Variants in NCCRP1 observed in about 807,000 individuals in gnomAD.
NCCRP1 encodes F-box only protein 50.
Under a neutral mutation model 34.4 loss-of-function variants are expected in NCCRP1, and 32 were observed. That is an observed-to-expected ratio of 0.93 (90% CI 0.70 to 1.25). The LOEUF (loss-of-function observed/expected upper bound fraction) is 1.25, where lower values mean the gene tolerates loss of function less well. NCCRP1 is among the 50% of genes most tolerant of loss of function. NCCRP1 has a pLI of 0.00. For missense variants in NCCRP1, 372 were observed against 391.8 expected (o/e 0.95, Z 0.43); for synonymous variants, 172 against 180.1 (o/e 0.95, Z 0.36).
chr19:39,197,202 C>T lies in NCCRP1; in HGVS notation c.220C>T (p.Leu74=), dbSNP rs1471906401. 35 of 1,434,618 alleles carry T rather than the reference C, an allele frequency of 2.4e-5. No individual in the cohort carries two copies. Among genetic ancestry groups the T allele is most frequent in the Non-Finnish European group, 2.4e-5 (27 of 1,107,302 alleles). 88.9% of individuals were successfully genotyped at this position (1,434,618 alleles called of 1,614,324 possible). A position where few individuals can be genotyped will look rare whatever the true frequency, so the allele number is the denominator to read the frequency against. Residue 74 remains leucine (L), a synonymous_variant, in exon 1 of 6, where the codon CTG becomes TTG. Coordinates refer to ENST00000339852, the MANE Select transcript of NCCRP1 (RefSeq NM_001001414.2). ...CGAGGCTCACGCCCGGCAGCTGCTGCTGGAGGAGTGGGGGCCGCTGAGCGG... is the reference window on the plus strand; with the variant it reads ...CGAGGCTCACGCCCGGCAGCTGCTGTTGGAGGAGTGGGGGCCGCTGAGCGG... ...PSEAHARQLL[L]EEWGPLSGGL...
rs945283474 is a variant in NCCRP1, at chr19:39,197,132, C to T, written c.150C>T (p.Pro50=). ...PLPSPPSLPS[P]AAPEAPELPE... is the part of the protein sequence containing the mutation. ...CCTCGCCGCCGTCGCTGCCATCGCC[C>T]GCAGCCCCGGAGGCCCCCGAGCTCC... is the stretch of plus-strand genomic sequence containing the variant. The change falls in exon 1 of 6, where the codon CCC becomes CCT. Residue 50 remains proline, a synonymous_variant. Coordinates refer to ENST00000339852, the MANE Select transcript of NCCRP1 (RefSeq NM_001001414.2). 2 of 1,512,728 alleles carry T rather than the reference C, an allele frequency of 1.3e-6. No homozygotes were observed. The highest frequency in any genetic ancestry group is 4.1e-5 in the Admixed American group (2 of 49,060). 93.7% of individuals were successfully genotyped at this position (1,512,728 alleles called of 1,614,324 possible).
chr19:39,200,223 C>T lies in NCCRP1; in HGVS notation c.549-123C>T. Reference sequence around the variant, plus strand: ...GGTCACTGCTATGTTGCCAGCACCACCCAGCTCAGGGCTGTGTACAGCATG... The same window carrying T: ...GGTCACTGCTATGTTGCCAGCACCATCCAGCTCAGGGCTGTGTACAGCATG... On this transcript the variant is annotated intron_variant, in intron 4 of 5. Coordinates refer to ENST00000339852, the MANE Select transcript of NCCRP1 (RefSeq NM_001001414.2). The surrounding 1 kb of genome is among the most constrained non-coding windows in gnomAD (Gnocchi z 5.8). 5 of 1,317,486 alleles carry T rather than the reference C, an allele frequency of 3.8e-6. No homozygotes were observed. The highest frequency in any genetic ancestry group is 3.2e-6 in the Non-Finnish European group (3 of 948,160). 81.6% of individuals were successfully genotyped at this position (1,317,486 alleles called of 1,614,324 possible).
At chr19:39,198,759 A>G (rs943315569) in intron 3 of NCCRP1, among the ~76,000 whole-genome samples, 2 of 151,934 alleles carry the variant, frequency 1.3e-5, no homozygotes, top group Non-Finnish European at 2.9e-5. Flanking sequence ...GCGCCTGGCT[A>G]TTCTTGTTAT....
chr19:39,198,973 G>A (rs2074774917), intron 3 of NCCRP1, among the ~76,000 whole-genome samples, 197 bp from the exon 4 acceptor site: 1 of 152,176 alleles, frequency 6.6e-6, no homozygotes, highest in African/African-American at 2.4e-5. Context: ...CTCAGCCTCA[G>A]GTTCCTTGTC....
Position 39,197,017 on chromosome 19 carries a change from G to A in NCCRP1, c.35G>A (p.Gly12Asp). Residue 12 changes from glycine (G) to aspartate (D), a missense_variant, in exon 1 of 6, where the codon GGC becomes GAC. Transcript: ENST00000339852. ...GTGCGTGAGGGACACGCGCTCGGTGGCGGGATGGAAGCCGATGGGCCCGCG... is the reference window on the plus strand; with the variant it reads ...GTGCGTGAGGGACACGCGCTCGGTGACGGGATGGAAGCCGATGGGCCCGCG... ...EEVREGHALG[G>D]GMEADGPASL... The A allele has an allele frequency of 6.5e-7, 1 of 1,535,552 alleles. No individual in the cohort carries two copies. Among genetic ancestry groups the A allele is most frequent in the Non-Finnish European group, 8.7e-7 (1 of 1,147,852 alleles).
At chr19:39,199,084 C>A in intron 3 of NCCRP1, 86 bp from the exon 4 acceptor site, 1 of 1,294,424 alleles carries the variant, frequency 7.7e-7, no homozygotes, top group Non-Finnish European at 1.1e-6. Context: ...CCCAAGCTAT[C>A]CCTAAGAAAG....
In NCCRP1 at chr19:39,197,105, G is replaced by A; in HGVS notation, c.123G>A (p.Leu41=). The A allele has an allele frequency of 6.6e-7, 1 of 1,522,556 alleles. No individual in the cohort carries two copies. The highest frequency in any genetic ancestry group is 8.8e-7 in the Non-Finnish European group (1 of 1,141,940). 94.3% of individuals were successfully genotyped at this position (1,522,556 alleles called of 1,614,324 possible). Residue 41 remains leucine (L), a synonymous_variant, in exon 1 of 6, where the codon CTG becomes CTA. Coordinates refer to ENST00000339852, the MANE Select transcript of NCCRP1 (RefSeq NM_001001414.2). ...CACCGCCGCCGTCGCCGCCACCACT[G>A]CCCTCGCCGCCGTCGCTGCCATCGC... is the stretch of plus-strand genomic sequence containing the variant. ...SPSPPPSPPP[L]PSPPSLPSPA...
intron 3 of NCCRP1, among the ~76,000 whole-genome samples, chr19:39,198,603 G>A (rs1237501904): frequency 6.6e-6 from 1 of 152,064 alleles, no homozygotes; most frequent in African/African-American, 2.4e-5. Context: ...AGGATTATAG[G>A]TGTGCGCCAT....
chr19:39,200,829 T>C lies in NCCRP1; in HGVS notation c.*73T>C. On this transcript the variant is annotated 3_prime_UTR_variant, in exon 6 of 6. Transcript: ENST00000339852. The surrounding 1 kb of genome is among the most constrained non-coding windows in gnomAD (Gnocchi z 5.8). ...GGAGCCCCAACTCTTAGTCACCTCC[T>C]AGGCCTCTTATTTCTCCCTGGCCCT... 6.6e-7 allele frequency: 1 copy of C among 1,519,744 alleles called. No homozygotes were observed. The highest frequency in any genetic ancestry group is 8.8e-7 in the Non-Finnish European group (1 of 1,135,694). The allele number at this position is 1,519,744 out of a possible 1,614,324, so 94.1% of individuals were successfully genotyped here. A position where few individuals can be genotyped will look rare whatever the true frequency, so the allele number is the denominator to read the frequency against.
At chr19:39,199,063 A>T in intron 3 of NCCRP1, 107 bp from the exon 4 acceptor site, 1 of 987,100 alleles carries the variant, frequency 1.0e-6, no homozygotes, top group Non-Finnish European at 1.6e-6. Context: ...GGAGCACCCC[A>T]CGTGTGGGGA....
intron 4 of NCCRP1, 55 bp downstream of exon 4, chr19:39,199,320 G>A (rs2074777223): frequency 1.3e-6 from 2 of 1,520,086 alleles, no homozygotes; most frequent in African/African-American, 1.4e-5. Flanking sequence ...GCTGCCCAGA[G>A]CATGAGCCTT....
chr19:39,198,843 AG>A (rs760334248), intron 3 of NCCRP1, among the ~76,000 whole-genome samples: 19 of 152,144 alleles, frequency 1.2e-4, no homozygotes, highest in Non-Finnish European at 2.1e-4. Context: ...CATGAAACAG[AG>A]CCTTGCTCCT....
intron 1 of NCCRP1, among the ~76,000 whole-genome samples, chr19:39,197,812 C>T (rs796128661): frequency 2.0e-5 from 3 of 152,046 alleles, no homozygotes; most frequent in Admixed American, 6.6e-5. Flanking sequence ...AAACTCTTGG[C>T]CTGTCTCTTT....
rs926299707 is a variant in NCCRP1, at chr19:39,198,131, G to T, written c.400+16G>T. On this transcript the variant is annotated intron_variant, in intron 2 of 5. Coordinates refer to ENST00000339852, the MANE Select transcript of NCCRP1 (RefSeq NM_001001414.2). ...GAAACTCTGGGTAAGTGCTTGGAGG[G>T]CCAGGTTGCTGAGGGTGGGGAGGGT... 2 of 1,614,092 alleles carry T rather than the reference G, an allele frequency of 1.2e-6. No homozygotes were observed. Among genetic ancestry groups the T allele is most frequent in the Non-Finnish European group, 1.7e-6 (2 of 1,180,040 alleles).
Position 39,197,012 on chromosome 19 carries a change from C to T in NCCRP1, c.30C>T (p.Leu10=). Residue 10 remains leucine, a synonymous_variant, in exon 1 of 6, where the codon CTC becomes CTT. Transcript: ENST00000339852. ...AGGAGGTGCGTGAGGGACACGCGCT[C>T]GGTGGCGGGATGGAAGCCGATGGGC... MEEVREGHA[L]GGGMEADGPA... 5.9e-6 allele frequency: 9 copies of T among 1,535,570 alleles called. No homozygotes were observed. The highest frequency in any genetic ancestry group is 7.8e-6 in the Non-Finnish European group (9 of 1,147,980).
In NCCRP1 at chr19:39,201,866, AG is replaced by A. The variant is rs1449933816; in HGVS notation, c.*1111del. ...CCGTGTGTGGAATGTGGGGATTAAA[AG>A]CATTTATCAACCTCTAAGTCCTGAT... On this transcript the variant is annotated 3_prime_UTR_variant, in exon 6 of 6. Coordinates refer to ENST00000339852, the MANE Select transcript of NCCRP1 (RefSeq NM_001001414.2). The A allele has an allele frequency of 1.3e-5, 2 of 152,262 alleles. No homozygotes were observed. Among genetic ancestry groups the A allele is most frequent in the Non-Finnish European group, 2.9e-5 (2 of 68,070 alleles). 9.4% of individuals were successfully genotyped at this position (152,262 alleles called of 1,614,324 possible).
intron 3 of NCCRP1, among the ~76,000 whole-genome samples, chr19:39,198,581 T>C (rs922012722): frequency 2.0e-5 from 3 of 152,186 alleles, no homozygotes; most frequent in African/African-American, 7.2e-5. Flanking sequence ...TGCCTCAGCC[T>C]CCTGAGTAGC....
At position 39,200,350 on chromosome 19, in the gene NCCRP1, G is replaced by C. The variant is rs377562735; in HGVS notation, c.553G>C (p.Glu185Gln). 4 of 1,613,392 alleles carry C rather than the reference G, an allele frequency of 2.5e-6. No individual in the cohort carries two copies. Among genetic ancestry groups the C allele is most frequent in the Admixed American group, 1.7e-5 (1 of 60,014 alleles). The change falls in exon 5 of 6, where the codon GAG becomes CAG. Residue 185 changes from glutamate (E) to glutamine (Q), a missense_variant. Physicochemically the swap from Glu to Gln is conservative, Grantham distance 29 (BLOSUM62 2). Transcript: ENST00000339852. The surrounding 1 kb of genome is among the most constrained non-coding windows in gnomAD (Gnocchi z 5.8). ...AGGCCTTGACTCCGCCTGCAGGTTC[G>C]AGGACAGCCGGCTGGATGCGTGCGT... ...QPAITVMDWF[E>Q]DSRLDACVYE...
At position 39,197,070 on chromosome 19, in the gene NCCRP1, C is replaced by T. The variant is rs1450279152; in HGVS notation, c.88C>T (p.Arg30Trp). The T allele has an allele frequency of 6.5e-7, 1 of 1,530,298 alleles. No individual in the cohort carries two copies. The highest frequency in any genetic ancestry group is 8.7e-7 in the Non-Finnish European group (1 of 1,145,016). The allele number at this position is 1,530,298 out of a possible 1,614,324, so 94.8% of individuals were successfully genotyped here. A position where few individuals can be genotyped will look rare whatever the true frequency, so the allele number is the denominator to read the frequency against. Reference sequence around the variant, plus strand: ...CCTCCAGGAGCTGCCTCCCTCGCCACGGTCGCCTTCACCGCCGCCGTCGCC... The same window carrying T: ...CCTCCAGGAGCTGCCTCCCTCGCCATGGTCGCCTTCACCGCCGCCGTCGCC... The part of the protein sequence containing the change: ...ASLQELPPSP[R>W]SPSPPPSPPP... The change falls in exon 1 of 6, where the codon CGG (arginine) becomes TGG (tryptophan). Residue 30 changes from arginine (R) to tryptophan (W), a missense_variant. Coordinates refer to ENST00000339852, the MANE Select transcript of NCCRP1 (RefSeq NM_001001414.2).
Sources: gnomAD v4.1 joint callset for allele counts (sites outside exome capture counted in the v4.1 genomes callset) on GRCh38, gnomAD v4.1.1 for gene constraint, Gnocchi (gnomAD v3.1) non-coding constraint, MANE v1.5 for transcripts, NCBI Gene and HGNC (gene_info 2026-07-23, HGNC 2026-07-21) for gene names.